Variants in GALNT13 observed in about 807,000 individuals in gnomAD.
GALNT13 encodes UDP-GalNAc:polypeptide N-acetylgalactosaminyltransferase 13.
GALNT13 carries 28 observed loss-of-function variants against 64.2 expected under a neutral mutation model. The observed-to-expected ratio is 0.44, with a 90% CI of 0.32 to 0.60. GALNT13 has a LOEUF of 0.60. Among genes scored for constraint, GALNT13 ranks in the 20% least tolerant of loss-of-function variants. The pLI, the probability that GALNT13 is intolerant of heterozygous loss-of-function variation, is 0.05. For synonymous variants in GALNT13, 214 were observed against 224.6 expected (o/e 0.95, Z 0.42); for missense variants, 577 against 669.8 (o/e 0.86, Z 1.53).
the GALNT13 span, among the ~76,000 whole-genome samples, chr2:153,243,029 A>G: frequency 1.3e-5 from 2 of 152,226 alleles, no homozygotes; most frequent in Non-Finnish European, 2.9e-5. Context: ...TAGAAAATAT[A>G]CTTTAAGGGA....
intron 4 of GALNT13, among the ~76,000 whole-genome samples, chr2:154,174,658 T>G (rs1397715599): frequency 6.6e-6 from 1 of 152,106 alleles, no homozygotes; most frequent in African/African-American, 2.4e-5. Context: ...ATAACCTTTA[T>G]TTCCTTTCTT....
rs150303667 is a variant in GALNT13, at chr2:153,928,850, A to T, written c.-104-15544A>T. The stretch of plus-strand genomic sequence containing the variant: ...TCCCTAAATTCAAGCATGGCTGAAG[A>T]GAGCTATGGGTAACAAATTGCCTTG... On this transcript the variant is annotated intron_variant, in intron 2 of 12. Transcript: ENST00000392825. Among the ~76,000 whole-genome samples, 575 of 152,294 alleles carry T rather than the reference A, an allele frequency of 3.8e-3. 5 individuals carry two copies. The highest frequency in any genetic ancestry group is 0.013 in the African/African-American group (537 of 41,556).
Position 154,101,960 on chromosome 2 carries a change from C to A in GALNT13, c.143-38377C>A, listed in dbSNP as rs142101198. Among the ~76,000 whole-genome samples, 1,067 of 152,072 alleles carry A rather than the reference C, an allele frequency of 7.0e-3. 11 individuals are homozygous for A. Among genetic ancestry groups the A allele is most frequent in the African/African-American group, 0.024 (983 of 41,508 alleles). On this transcript the variant is annotated intron_variant, in intron 3 of 12. Coordinates refer to ENST00000392825, the MANE Select transcript of GALNT13 (RefSeq NM_052917.4). ...TGTACTTTTTTGAATTTTAAGAGTTCCTCTTGGTGTTGATTTCTCATTTTA... is the reference window on the plus strand; with the variant it reads ...TGTACTTTTTTGAATTTTAAGAGTTACTCTTGGTGTTGATTTCTCATTTTA...
chr2:153,497,562 G>T, the GALNT13 span, among the ~76,000 whole-genome samples: 1 of 57,434 alleles, frequency 1.7e-5, no homozygotes, highest in Non-Finnish European at 2.9e-5. Context: ...TTTTGAGACA[G>T]AGTTTCACTC....
chr2:153,575,391 A>T, the GALNT13 span, among the ~76,000 whole-genome samples: 2 of 152,182 alleles, frequency 1.3e-5, no homozygotes, highest in African/African-American at 4.8e-5. Flanking sequence ...ATGTTTGCTC[A>T]GGGCGTTGGA....
At chr2:153,293,130 A>T in the GALNT13 span, among the ~76,000 whole-genome samples, 1 of 151,924 alleles carries the variant, frequency 6.6e-6, no homozygotes, top group South Asian at 2.1e-4. Context: ...TATTATCAAA[A>T]CCAACCCCAT....
chr2:154,446,841 T>G, intron 12 of GALNT13: 1 of 1,376,156 alleles, frequency 7.3e-7, no homozygotes, highest in South Asian at 1.7e-5. Flanking sequence ...GAAACTCCTT[T>G]AAAATGTGGT....
At chr2:154,083,215 T>A (rs779509221) in intron 3 of GALNT13, among the ~76,000 whole-genome samples, 4 of 152,062 alleles carry the variant, frequency 2.6e-5, no homozygotes, top group African/African-American at 4.8e-5. Flanking sequence ...GAGGATCAGA[T>A]GGTTGTAGAT....
At chr2:153,894,623 G>T (rs1202078018) in intron 1 of GALNT13, among the ~76,000 whole-genome samples, 1 of 151,962 alleles carries the variant, frequency 6.6e-6, no homozygotes, top group East Asian at 1.9e-4. Flanking sequence ...GATGACTTTT[G>T]AAGTTATAGA....
At chr2:154,263,038 A>G (rs1263315411) in intron 8 of GALNT13, among the ~76,000 whole-genome samples, 1 of 152,138 alleles carries the variant, frequency 6.6e-6, no homozygotes, top group Non-Finnish European at 1.5e-5. Context: ...AAGAGTACAG[A>G]TCATTTTGCC....
the GALNT13 span, among the ~76,000 whole-genome samples, chr2:153,435,669 AC>A: frequency 6.6e-6 from 1 of 152,148 alleles, no homozygotes; most frequent in Non-Finnish European, 1.5e-5. Context: ...TGATTTTTGC[AC>A]ATTGATTTTG....
chr2:153,602,244 T>G, the GALNT13 span, among the ~76,000 whole-genome samples: 1 of 151,918 alleles, frequency 6.6e-6, no homozygotes, highest in African/African-American at 2.4e-5. Flanking sequence ...ATCCATCTAC[T>G]ATCTTCTAAG....
intron 3 of GALNT13, among the ~76,000 whole-genome samples, chr2:154,060,861 C>T (rs1055689999): frequency 6.6e-6 from 1 of 151,896 alleles, no homozygotes; most frequent in Non-Finnish European, 1.5e-5. Context: ...TACAGGTCAG[C>T]CTCCAGGGGG....
chr2:154,106,170 G>A (rs1305040471), intron 3 of GALNT13, among the ~76,000 whole-genome samples: 3 of 152,062 alleles, frequency 2.0e-5, no homozygotes, highest in Non-Finnish European at 4.4e-5. Context: ...TTTTTGTAGT[G>A]CAGAAGTTTT....
intron 8 of GALNT13, among the ~76,000 whole-genome samples, chr2:154,290,284 T>A (rs1443813962): frequency 1.3e-5 from 2 of 152,208 alleles, no homozygotes; most frequent in Non-Finnish European, 1.5e-5. Flanking sequence ...TACTTTTCCA[T>A]TCAGGAATGA....
At chr2:153,390,489 C>T in the GALNT13 span, among the ~76,000 whole-genome samples, 7 of 152,074 alleles carry the variant, frequency 4.6e-5, no homozygotes, top group Admixed American at 4.6e-4. Flanking sequence ...TTTATAAAAA[C>T]ACATTGGAAA....
chr2:153,272,276 C>T, the GALNT13 span, among the ~76,000 whole-genome samples: 8 of 152,250 alleles, frequency 5.3e-5, no homozygotes, highest in South Asian at 8.3e-4. Context: ...TCTAATTAAA[C>T]TAAAATGCTT....
chr2:153,785,872 C>G, the GALNT13 span, among the ~76,000 whole-genome samples: 1 of 152,090 alleles, frequency 6.6e-6, no homozygotes, highest in African/African-American at 2.4e-5. Flanking sequence ...TCCTTGGGGA[C>G]CAGGGTTTGG....
intron 3 of GALNT13, among the ~76,000 whole-genome samples, chr2:154,008,965 G>A (rs1426744184): frequency 6.6e-6 from 1 of 152,116 alleles, no homozygotes; most frequent in Non-Finnish European, 1.5e-5. Context: ...TCAACAATGG[G>A]ATTGCTAGGT....
Sources: gnomAD v4.1 joint callset for allele counts (sites outside exome capture counted in the v4.1 genomes callset) on GRCh38, gnomAD v4.1.1 for gene constraint, MANE v1.5 for transcripts, NCBI Gene and HGNC (gene_info 2026-07-23, HGNC 2026-07-21) for gene names.